Variants in FAT3 observed in about 807,000 individuals in gnomAD.
FAT3 encodes FAT atypical cadherin 3, also known as protocadherin Fat 3.
In FAT3, 95 loss-of-function variants were observed where a neutral mutation model predicts 310.2. The ratio of observed to expected loss-of-function variants is 0.31; its 90% CI spans 0.26 to 0.36. The LOEUF is 0.36. Ranked by LOEUF, FAT3 falls within the 10% of genes least tolerant of loss-of-function variation. The probability of loss-of-function intolerance (pLI) is 1.00; values close to 1 mark genes in which losing one functional copy is unlikely to be tolerated. For synonymous variants in FAT3, 2,314 were observed against 2,192.9 expected (o/e 1.06, Z -1.54); for missense variants, 5,408 against 5,715.6 (o/e 0.95, Z 1.74).
At chr11:92,741,676 C>T (rs943543729) in intron 4 of FAT3, among the ~76,000 whole-genome samples, 4 of 152,130 alleles carry the variant, frequency 2.6e-5, no homozygotes, top group South Asian at 2.1e-4. Context: ...TACTCCCTTT[C>T]GTCTTGTGGA....
intron 3 of FAT3, among the ~76,000 whole-genome samples, chr11:92,528,689 G>T (rs1199800512): frequency 1.3e-5 from 2 of 152,152 alleles, no homozygotes; most frequent in Non-Finnish European, 2.9e-5. Context: ...CCGGCCTCCA[G>T]TTCTTTTGAG....
chr11:92,508,015 C>T (rs775703007), intron 2 of FAT3, among the ~76,000 whole-genome samples: 3 of 152,098 alleles, frequency 2.0e-5, no homozygotes, highest in Non-Finnish European at 2.9e-5. Context: ...TTCTGTAGGG[C>T]ACTTTTCCCA....
intron 2 of FAT3, among the ~76,000 whole-genome samples, chr11:92,432,862 C>T (rs1950824770): frequency 6.6e-6 from 1 of 152,146 alleles, no homozygotes; most frequent in Non-Finnish European, 1.5e-5. Context: ...GTGCTCTGTC[C>T]CAGGGAGATA....
intron 2 of FAT3, among the ~76,000 whole-genome samples, chr11:92,369,663 C>T (rs1949131291): frequency 6.6e-6 from 1 of 152,112 alleles, no homozygotes; most frequent in African/African-American, 2.4e-5. Context: ...TCCTGGTCAA[C>T]ATGGTGAAAC....
At chr11:92,444,660 G>C (rs914149079) in intron 2 of FAT3, among the ~76,000 whole-genome samples, 1 of 112,912 alleles carries the variant, frequency 8.9e-6, no homozygotes, top group Non-Finnish European at 1.8e-5. Flanking sequence ...GGATATTACT[G>C]GGGGGGGGGG....
At chr11:92,851,543 C>T (rs1948829423) in intron 19 of FAT3, among the ~76,000 whole-genome samples, 1 of 152,138 alleles carries the variant, frequency 6.6e-6, no homozygotes, top group Non-Finnish European at 1.5e-5. Context: ...TATCTTACTA[C>T]CCCACCTTCC....
chr11:92,735,304 A>C (rs1945308985), intron 4 of FAT3, among the ~76,000 whole-genome samples: 1 of 152,158 alleles, frequency 6.6e-6, no homozygotes, highest in Non-Finnish European at 1.5e-5. Flanking sequence ...TCAGAGAATA[A>C]TCATGGCAGT....
At chr11:92,689,444 G>A (rs762985648) in intron 3 of FAT3, among the ~76,000 whole-genome samples, 1 of 152,166 alleles carries the variant, frequency 6.6e-6, no homozygotes, top group Non-Finnish European at 1.5e-5. Flanking sequence ...CATTTCATAC[G>A]ACATCCTTAG....
chr11:92,341,222 T>C (rs1948253211), intron 1 of FAT3, among the ~76,000 whole-genome samples: 2 of 152,202 alleles, frequency 1.3e-5, no homozygotes, highest in Non-Finnish European at 2.9e-5. Flanking sequence ...AGAAAATATG[T>C]TTTCTTAAGT....
chr11:92,622,631 G>A (rs581200), intron 3 of FAT3, among the ~76,000 whole-genome samples: 85,304 of 151,936 alleles, frequency 0.56, 25,364 homozygotes, highest in African/African-American at 0.76. Context: ...TAGCTGAAGC[G>A]TCACACATCA....
intron 3 of FAT3, among the ~76,000 whole-genome samples, chr11:92,629,889 G>A (rs1325008743): frequency 3.9e-5 from 6 of 152,152 alleles, no homozygotes; most frequent in African/African-American, 1.4e-4. Flanking sequence ...CACCAGAGGA[G>A]CCTATTAAAA....
intron 3 of FAT3, among the ~76,000 whole-genome samples, chr11:92,549,163 G>A (rs1954716715): frequency 1.3e-5 from 2 of 152,130 alleles, no homozygotes; most frequent in African/African-American, 4.8e-5. Flanking sequence ...TCTGAGAAAG[G>A]TAATAGATAC....
At chr11:92,885,543 C>T (rs961067028) in intron 24 of FAT3, among the ~76,000 whole-genome samples, 1 of 152,154 alleles carries the variant, frequency 6.6e-6, no homozygotes, top group African/African-American at 2.4e-5. Flanking sequence ...GATTGTCTTT[C>T]TGTAGACACA....
intron 17 of FAT3, 77 bp from the exon 18 acceptor site, chr11:92,840,485 T>A (rs1275782115): frequency 4.6e-6 from 6 of 1,293,534 alleles, no homozygotes; most frequent in Non-Finnish European, 6.2e-6. Flanking sequence ...ATTTTTGATT[T>A]GTTTTGTTTT....
chr11:92,575,404 T>G (rs1030294397), intron 3 of FAT3, among the ~76,000 whole-genome samples: 3 of 152,194 alleles, frequency 2.0e-5, no homozygotes, highest in African/African-American at 7.2e-5. Flanking sequence ...TATATGAGTG[T>G]TAGTTAAATG....
chr11:92,275,992 T>A (rs996960529), intron 1 of FAT3, among the ~76,000 whole-genome samples: 2 of 52,526 alleles, frequency 3.8e-5, no homozygotes, highest in Non-Finnish European at 7.9e-5. Flanking sequence ...CAATATTTTT[T>A]AAAAAGAATC....
chr11:92,489,038 A>G (rs1163531963), intron 2 of FAT3, among the ~76,000 whole-genome samples: 6 of 152,100 alleles, frequency 3.9e-5, no homozygotes, highest in Non-Finnish European at 5.9e-5. Flanking sequence ...GCATAGTACT[A>G]TGCCTGGTGA....
chr11:92,508,623 GC>G (rs1005181868), intron 2 of FAT3, among the ~76,000 whole-genome samples: 2 of 152,076 alleles, frequency 1.3e-5, no homozygotes, highest in African/African-American at 4.8e-5. Flanking sequence ...AAATAGTTGG[GC>G]TTTTGAGAAT....
Position 92,465,882 on chromosome 11 carries a change from T to G in FAT3, c.3293-58752T>G, listed in dbSNP as rs891033934. ...AATGCCTTTAAAAGTTAATTGTGGA[T>G]TGGTGAAACAGGGAAAAAAAAAGAT... is the stretch of plus-strand genomic sequence containing the variant. On this transcript the variant is annotated intron_variant, in intron 2 of 27. Coordinates refer to ENST00000525166, the MANE Select transcript of FAT3 (RefSeq NM_001367949.2). Among the ~76,000 whole-genome samples the G allele has an allele frequency of 2.0e-5, 3 of 152,034 alleles. No homozygotes were observed. In the East Asian group the frequency reaches 5.8e-4, roughly 29 times the overall value.
Sources: allele counts gnomAD v4.1 joint callset (sites outside exome capture counted in the v4.1 genomes callset), GRCh38; gene constraint gnomAD v4.1.1; transcripts MANE v1.5; gene names NCBI Gene and HGNC (gene_info 2026-07-23, HGNC 2026-07-21).